DPH7: variants seen among roughly 807,000 people sequenced by gnomAD.
The protein encoded by DPH7 is diphthamide biosynthesis 7, also known as diphthine methyltransferase.
DPH7 carries 44 observed loss-of-function variants against 41.7 expected under a neutral mutation model. The ratio of observed to expected loss-of-function variants is 1.05; its 90% CI spans 0.83 to 1.36. The LOEUF is 1.36. DPH7 is among the 40% of genes most tolerant of loss of function. DPH7 has a pLI of 0.00. For missense variants in DPH7, 629 were observed against 577.5 expected, an observed-to-expected ratio of 1.09 and a Z score of -0.91; for synonymous variants, 275 against 238.0, an observed-to-expected ratio of 1.16 and a Z score of -1.43.
intron 8 of DPH7, among the ~76,000 whole-genome samples, chr9:137,562,491 G>T (rs1241398496): frequency 2.0e-5 from 3 of 152,150 alleles, no homozygotes; most frequent in African/African-American, 7.2e-5. Flanking sequence ...TGGGAAATTA[G>T]AAAGTACCTT....
Position 137,578,640 on chromosome 9 carries a change from G to C in DPH7, c.138C>G (p.Ala46=). 2 of 1,488,836 alleles carry C rather than the reference G, an allele frequency of 1.3e-6. No homozygotes were observed. Among genetic ancestry groups the C allele is most frequent in the Non-Finnish European group, 1.8e-6 (2 of 1,121,288 alleles). 92.2% of individuals were successfully genotyped at this position (1,488,836 alleles called of 1,614,324 possible). ...GCGCGCGCACCTTGTTCTGGGGGCC[G>C]GCAGGCCGGTCCTCCGGCCGCCGCA... ...YQLRRPEDRP[A]GPQNKGGMEV... Residue 46 remains alanine (A), a synonymous_variant, in exon 1 of 9, where the codon GCC becomes GCG. Transcript: ENST00000277540.
At position 137,564,908 on chromosome 9, in the gene DPH7, A is replaced by G; in HGVS notation, c.761T>C (p.Ile254Thr). Reference protein sequence around the residue: ...SIQSSPHREHILATGSYDEHI... With the variant: ...SIQSSPHREHTLATGSYDEHI... ...GGGGACTCACCTTCCCGTGGCCAGG[A>G]TGTGCTCCCGATGAGGGCTGCTCTG... Residue 254 changes from isoleucine (I) to threonine (T), a missense_variant, in exon 7 of 9, where the codon ATC (isoleucine) becomes ACC (threonine). Coordinates refer to ENST00000277540, the MANE Select transcript of DPH7 (RefSeq NM_138778.5). The G allele has an allele frequency of 6.3e-7, 1 of 1,596,804 alleles. No homozygotes were observed. The highest frequency in any genetic ancestry group is 2.3e-5 in the East Asian group (1 of 43,920).
At chr9:137,575,670 G>A in intron 3 of DPH7, 1 of 1,035,714 alleles carries the variant, frequency 9.7e-7, no homozygotes, top group Non-Finnish European at 1.2e-6. Context: ...TGGCTCCAGA[G>A]CACTGTGAGA....
Position 137,564,438 on chromosome 9 carries a change from T to G in DPH7, c.945A>C (p.Ala315=). Residue 315 remains alanine, a synonymous_variant, in exon 8 of 9, where the codon GCA becomes GCC. Transcript: ENST00000277540. ...CAGCCACGGGTCCCCACTCACCCAT[T>G]GCCTTTTGGCAGTTGAGGATCTTAA... is the stretch of plus-strand genomic sequence containing the variant. ...SGFKILNCQK[A]MEERQEATVL... is the part of the protein sequence containing the mutation. 5 of 1,612,632 alleles carry G rather than the reference T, an allele frequency of 3.1e-6. No homozygotes were observed. Among genetic ancestry groups the G allele is most frequent in the Non-Finnish European group, 4.2e-6 (5 of 1,179,206 alleles).
At chr9:137,568,518 T>G (rs112485646) in intron 5 of DPH7, among the ~76,000 whole-genome samples, 13 of 107,198 alleles carry the variant, frequency 1.2e-4, no homozygotes, top group South Asian at 3.3e-4. Context: ...GAAGCTCCCC[T>G]GGGTGACTGT....
intron 1 of DPH7, 74 bp from the exon 2 acceptor site, chr9:137,577,677 A>G (rs1841662274): frequency 1.3e-6 from 2 of 1,552,872 alleles, no homozygotes; most frequent in Non-Finnish European, 1.8e-6. Flanking sequence ...AAAGGGATCC[A>G]AGGAACTCAA....
chr9:137,560,537 G>A (rs1280180243), intron 8 of DPH7, among the ~76,000 whole-genome samples: 5 of 151,944 alleles, frequency 3.3e-5, no homozygotes, highest in African/African-American at 7.3e-5. Context: ...TGGCTAACAC[G>A]GCGAAACCCT....
In DPH7 at chr9:137,555,601, AGTC is replaced by A. The variant is rs1187877569; in HGVS notation, c.994_996del (p.Asp332del). ...GACCAGTCGGCTCCATACACCAGCG[AGTC>A]GGGCAATGTGTGAGATGTCAGGACC... On this transcript the variant is annotated inframe_deletion, in exon 9 of 9. Coordinates refer to ENST00000277540, the MANE Select transcript of DPH7 (RefSeq NM_138778.5). The A allele has an allele frequency of 2.5e-6, 4 of 1,612,490 alleles. No homozygotes were observed. Among genetic ancestry groups the A allele is most frequent in the Non-Finnish European group, 2.5e-6 (3 of 1,179,094 alleles).
Position 137,564,480 on chromosome 9 carries a change from G to A in DPH7, c.903C>T (p.Ala301=), listed in dbSNP as rs1172453836. The change falls in exon 8 of 9, where the codon GCC becomes GCT. Residue 301 remains alanine, a synonymous_variant. Transcript: ENST00000277540. Reference sequence around the variant, plus strand: ...GGATCTTAAAGCCACTGTGCATGCAGGCGGCCAGGAGCAGGTGGTGGTGGA... The same window carrying A: ...GGATCTTAAAGCCACTGTGCATGCAAGCGGCCAGGAGCAGGTGGTGGTGGA... ...HPFHHHLLLA[A]CMHSGFKILN... The A allele has an allele frequency of 3.1e-6, 5 of 1,614,016 alleles. No individual in the cohort carries two copies. The highest frequency in any genetic ancestry group is 1.3e-5 in the African/African-American group (1 of 74,940).
In DPH7 at chr9:137,555,438, T is replaced by C. The variant is rs762726028; in HGVS notation, c.1160A>G (p.Glu387Gly). Reference sequence around the variant, plus strand: ...TCCACTCTGGGGTCTGGCATGGCCCTCCCCATCGTTATCCTCTCTGCATTC... The same window carrying C: ...TCCACTCTGGGGTCTGGCATGGCCCCCCCCATCGTTATCCTCTCTGCATTC... Reference protein sequence around the residue: ...CHECREDNDGEGHARPQSGMK... With the variant: ...CHECREDNDGGGHARPQSGMK... Residue 387 changes from glutamate (E) to glycine (G), a missense_variant, in exon 9 of 9, where the codon GAG (glutamate) becomes GGG (glycine). Coordinates refer to ENST00000277540, the MANE Select transcript of DPH7 (RefSeq NM_138778.5). 1 of 1,614,066 alleles carries C rather than the reference T, an allele frequency of 6.2e-7. No individual in the cohort carries two copies. Among genetic ancestry groups the C allele is most frequent in the Non-Finnish European group, 8.5e-7 (1 of 1,179,964 alleles).
At chr9:137,560,539 C>T (rs947838095) in intron 8 of DPH7, among the ~76,000 whole-genome samples, 9 of 148,196 alleles carry the variant, frequency 6.1e-5, no homozygotes, top group East Asian at 4.0e-4. Flanking sequence ...GCTAACACGG[C>T]GAAACCCTGT....
intron 8 of DPH7, among the ~76,000 whole-genome samples, chr9:137,559,928 A>C (rs11794018): frequency 6.6e-6 from 1 of 151,112 alleles, no homozygotes; most frequent in Non-Finnish European, 1.5e-5. Flanking sequence ...TTATTTCTAC[A>C]CTCTCTCGTC....
In DPH7 at chr9:137,555,229, G is replaced by A. The variant is rs1226940632; in HGVS notation, c.*10C>T. The A allele has an allele frequency of 1.9e-6, 3 of 1,575,596 alleles. No individual in the cohort carries two copies. Among genetic ancestry groups the A allele is most frequent in the Admixed American group, 1.8e-5 (1 of 56,074 alleles). ...GTTTCCTTGTGGGAAGGGGCTTCAT[G>A]ATTTCAAGCTCAGTTCCCCTCCCAC... On this transcript the variant is annotated 3_prime_UTR_variant, in exon 9 of 9. Transcript: ENST00000277540.
Position 137,574,277 on chromosome 9 carries a change from A to G in DPH7, c.571T>C (p.Trp191Arg). ...CAGGCCTCGAATTGATGTGCCTGCC[A>G]TGAGGCCACTTTCTGCAGCCTGGGC... ...TRPRLQKVAS[W>R]QAHQFEAWIA... Residue 191 changes from tryptophan to arginine, a missense_variant, in exon 5 of 9, where the codon TGG becomes CGG. Physicochemically the swap from Trp to Arg is moderately radical, Grantham distance 101. Transcript: ENST00000277540. The G allele has an allele frequency of 6.2e-7, 1 of 1,614,216 alleles. No homozygotes were observed. Among genetic ancestry groups the G allele is most frequent in the Non-Finnish European group, 8.5e-7 (1 of 1,180,040 alleles).
At position 137,555,011 on chromosome 9, in the gene DPH7, G is replaced by A. The variant is rs977230612; in HGVS notation, c.*228C>T. On this transcript the variant is annotated 3_prime_UTR_variant, in exon 9 of 9. Transcript: ENST00000277540. The stretch of plus-strand genomic sequence containing the variant: ...AACAAATCTGCAAGCTGGAAACCGC[G>A]TCTTTTCCCCACTCTCTGCCAGACA... 27 of 437,850 alleles carry A rather than the reference G, an allele frequency of 6.2e-5. No individual in the cohort carries two copies. Among genetic ancestry groups the A allele is most frequent in the Admixed American group, 4.7e-4 (11 of 23,418 alleles). The allele number at this position is 437,850 out of a possible 1,614,324, so 27.1% of individuals were successfully genotyped here.
rs1391470545 is a variant in DPH7 at position 137,556,084 on chromosome 9, T to C, written c.950-436A>G. ...ACGGGGAACCACAAACAGGCAGCCATGGCACTGTCAGTGAGTGACAGTGGG... is the reference window on the plus strand; with the variant it reads ...ACGGGGAACCACAAACAGGCAGCCACGGCACTGTCAGTGAGTGACAGTGGG... On this transcript the variant is annotated intron_variant, in intron 8 of 8. Transcript: ENST00000277540. The surrounding 1 kb of genome is among the most constrained non-coding windows in gnomAD (Gnocchi z 5.2). Among the ~76,000 whole-genome samples, 1 of 152,126 alleles carries C rather than the reference T, an allele frequency of 6.6e-6. No individual in the cohort carries two copies. Among genetic ancestry groups the C allele is most frequent in the Non-Finnish European group, 1.5e-5 (1 of 68,032 alleles).
At chr9:137,559,878 C>G (rs1293951622) in intron 8 of DPH7, among the ~76,000 whole-genome samples, 1 of 152,176 alleles carries the variant, frequency 6.6e-6, no homozygotes, top group Non-Finnish European at 1.5e-5. Context: ...AGTGGTCCCC[C>G]GGGCCCAGCT....
Position 137,577,605 on chromosome 9 carries a change from T to C in DPH7, c.154-2A>G. 1 of 1,611,450 alleles carries C rather than the reference T, an allele frequency of 6.2e-7. No homozygotes were observed. The highest frequency in any genetic ancestry group is 1.7e-5 in the Admixed American group (1 of 59,538). ...AGGCTCCTTAACTTCCATTCCACCCTACAAAAAATGCAGAGGTAGTCTCTG... is the reference window on the plus strand; with the variant it reads ...AGGCTCCTTAACTTCCATTCCACCCCACAAAAAATGCAGAGGTAGTCTCTG... On this transcript the variant is annotated splice_acceptor_variant, in intron 1 of 8. Coordinates refer to ENST00000277540, the MANE Select transcript of DPH7 (RefSeq NM_138778.5). LOFTEE classifies it high-confidence loss of function.
rs900946278 is a variant in DPH7, at chr9:137,578,710, G to C, written c.68C>G (p.Pro23Arg). 2.0e-6 allele frequency: 3 copies of C among 1,532,114 alleles called. No homozygotes were observed. Among genetic ancestry groups the C allele is most frequent in the Non-Finnish European group, 2.6e-6 (3 of 1,140,782 alleles). 94.9% of individuals were successfully genotyped at this position (1,532,114 alleles called of 1,614,324 possible). A position where few individuals can be genotyped will look rare whatever the true frequency, so the allele number is the denominator to read the frequency against. ...CAGCAGGTGCCTGCAGCCTTGCAGC[G>C]GGCACCACTCCACCGAGTCCGCGGT... The part of the protein sequence containing the change: ...ELTADSVEWC[P>R]LQGCRHLLAC... The change falls in exon 1 of 9, where the codon CCG becomes CGG. Residue 23 changes from proline to arginine, a missense_variant. Transcript: ENST00000277540.
Sources: gnomAD v4.1 joint callset for allele counts (sites outside exome capture counted in the v4.1 genomes callset) on GRCh38, gnomAD v4.1.1 for gene constraint, Gnocchi (gnomAD v3.1) non-coding constraint, MANE v1.5 for transcripts, NCBI Gene and HGNC (gene_info 2026-07-23, HGNC 2026-07-21) for gene names.